Variants in DENND4A observed in about 807,000 individuals in gnomAD.
The protein encoded by DENND4A is C-myc promoter-binding protein.
Under a neutral mutation model 199.3 loss-of-function variants are expected in DENND4A, and 70 were observed. The observed-to-expected ratio is 0.35, with a 90% CI of 0.29 to 0.43. The LOEUF (loss-of-function observed/expected upper bound fraction) is 0.43, where lower values mean the gene tolerates loss of function less well. DENND4A is among the 20% of genes least tolerant of loss of function. The pLI, the probability that DENND4A is intolerant of heterozygous loss-of-function variation, is 1.00. For missense variants in DENND4A, 1,723 were observed against 2,255.8 expected, an observed-to-expected ratio of 0.76 and a Z score of 4.78; for synonymous variants, 686 against 766.9, an observed-to-expected ratio of 0.89 and a Z score of 1.74.
intron 1 of DENND4A, among the ~76,000 whole-genome samples, chr15:65,788,466 C>T (rs2077626803): frequency 6.6e-6 from 1 of 152,060 alleles, no homozygotes. Flanking sequence ...GTTAGTTTTG[C>T]TAACAATGAA....
intron 14 of DENND4A, among the ~76,000 whole-genome samples, chr15:65,708,150 C>T (rs2075124601): frequency 6.6e-6 from 1 of 150,524 alleles, no homozygotes; most frequent in South Asian, 2.1e-4. Flanking sequence ...GCACATGCCA[C>T]CACACCCAGC....
chr15:65,758,074 G>A (rs28522490), intron 2 of DENND4A, among the ~76,000 whole-genome samples: 30,120 of 151,980 alleles, frequency 0.2, 4,011 homozygotes, highest in East Asian at 0.73. Flanking sequence ...GTTTTCCACA[G>A]ACAAAGCCCA....
intron 13 of DENND4A, 70 bp from the exon 14 acceptor site, chr15:65,715,693 G>C (rs1482279894): frequency 1.4e-6 from 2 of 1,380,372 alleles, no homozygotes; most frequent in African/African-American, 3.0e-5. Context: ...ATTTGCACTA[G>C]AAAGAATCTG....
intron 11 of DENND4A, among the ~76,000 whole-genome samples, chr15:65,726,488 C>T (rs1334355072): frequency 6.6e-6 from 1 of 151,972 alleles, no homozygotes; most frequent in African/African-American, 2.4e-5. Context: ...TCTATTGATG[C>T]CGTATGTAAA....
At chr15:65,678,369 CCTGA>C (rs776762613) in intron 23 of DENND4A, among the ~76,000 whole-genome samples, 2 of 151,990 alleles carry the variant, frequency 1.3e-5, no homozygotes, top group East Asian at 1.9e-4. Flanking sequence ...ATTAGACTAC[CCTGA>C]CTAATTTGGT....
intron 23 of DENND4A, among the ~76,000 whole-genome samples, chr15:65,681,469 C>A (rs78127596): frequency 6.6e-6 from 1 of 151,988 alleles, no homozygotes; most frequent in African/African-American, 2.4e-5. Flanking sequence ...AAAGTAAAAG[C>A]GACTCCTTGA....
At chr15:65,774,716 T>C (rs977855148) in intron 1 of DENND4A, among the ~76,000 whole-genome samples, 3 of 151,920 alleles carry the variant, frequency 2.0e-5, no homozygotes, top group Admixed American at 6.6e-5. Flanking sequence ...TAAAATAACA[T>C]ATATATGCTA....
chr15:65,752,310 A>G, intron 4 of DENND4A, 69 bp downstream of exon 4: 1 of 540,250 alleles, frequency 1.9e-6, no homozygotes, highest in Non-Finnish European at 2.6e-6. Context: ...AAAAAAAAAA[A>G]AAAGATGTAT....
At chr15:65,753,369 G>T (rs1337257810) in intron 3 of DENND4A, among the ~76,000 whole-genome samples, 3 of 151,750 alleles carry the variant, frequency 2.0e-5, no homozygotes, top group African/African-American at 7.3e-5. Context: ...TGGTTTTTTT[G>T]AGACAGAGTC....
intron 30 of DENND4A, chr15:65,665,033 A>C (rs1170978343): frequency 4.4e-6 from 2 of 459,302 alleles, no homozygotes; most frequent in Non-Finnish European, 3.8e-6. Context: ...AAAAAGAAGA[A>C]ATTGGGATGA....
chr15:65,700,710 G>T (rs111881159), intron 19 of DENND4A, 35 bp from the exon 20 acceptor site: 2 of 1,501,862 alleles, frequency 1.3e-6, no homozygotes, highest in South Asian at 1.3e-5. Flanking sequence ...TTTACTACTC[G>T]AAGAGGTAAA....
At chr15:65,702,031 G>T in intron 17 of DENND4A, 141 bp from the exon 18 acceptor site, 1 of 1,200,720 alleles carries the variant, frequency 8.3e-7, no homozygotes, top group Non-Finnish European at 1.2e-6. Context: ...GGGAGGGCAA[G>T]GCAGGTGAAG....
At chr15:65,750,109 A>G (rs966201462) in intron 4 of DENND4A, among the ~76,000 whole-genome samples, 1 of 141,530 alleles carries the variant, frequency 7.1e-6, no homozygotes, top group African/African-American at 3.2e-5. Context: ...GGCTTATATC[A>G]GAAATATAAA....
In DENND4A at chr15:65,737,765, A is replaced by G. The variant is rs1431443530; in HGVS notation, c.982T>C (p.Phe328Leu). Reference protein sequence around the residue: ...HWPFFDAFRKFLTFLYRYSIS... With the variant: ...HWPFFDAFRKLLTFLYRYSIS... Reference sequence around the variant, plus strand: ...GAATAACGATACAGAAAAGTCAGAAACTTCCTGAATGCATCAAAAAAAGGC... The same window carrying G: ...GAATAACGATACAGAAAAGTCAGAAGCTTCCTGAATGCATCAAAAAAAGGC... The change falls in exon 7 of 33, where the codon TTT becomes CTT. Residue 328 changes from phenylalanine to leucine, a missense_variant. By Grantham distance (22) the Phe-to-Leu change is conservative (BLOSUM62 0). This residue lies in a region of DENND4A where 725 missense variants were observed against 952.9 expected (regional missense o/e 0.76). Coordinates refer to ENST00000443035, the MANE Select transcript of DENND4A (RefSeq NM_001320835.1). 1.9e-6 allele frequency: 3 copies of G among 1,592,474 alleles called. No homozygotes were observed. Among genetic ancestry groups the G allele is most frequent in the African/African-American group, 1.3e-5 (1 of 74,662 alleles).
Position 65,756,199 on chromosome 15 carries a change from C to T in DENND4A, c.252G>A (p.Gly84=). Residue 84 remains glycine, a synonymous_variant, in exon 3 of 33, where the codon GGG becomes GGA. Transcript: ENST00000443035. ...TTCTATAGCAAAGGTAAATCTGTGG[C>T]CCCACAAGACTTCCATTATTAAGAT... is the stretch of plus-strand genomic sequence containing the variant. The part of the protein sequence containing the change: ...SADLNNGSLV[G]PQIYLCYRRG... 3 of 1,611,324 alleles carry T rather than the reference C, an allele frequency of 1.9e-6. No homozygotes were observed. The highest frequency in any genetic ancestry group is 1.7e-6 in the Non-Finnish European group (2 of 1,178,592).
intron 14 of DENND4A, among the ~76,000 whole-genome samples, chr15:65,708,506 C>A (rs974170998): frequency 6.6e-6 from 1 of 152,138 alleles, no homozygotes; most frequent in Non-Finnish European, 1.5e-5. Context: ...GTAAAAGATA[C>A]TTCCTTCTAC....
intron 1 of DENND4A, among the ~76,000 whole-genome samples, chr15:65,774,872 T>TC (rs1567100693): frequency 6.8e-6 from 1 of 147,584 alleles, no homozygotes; most frequent in African/African-American, 2.5e-5. Flanking sequence ...TGTTTACTTT[T>TC]TTTTTTTTTT....
chr15:65,687,581 T>C (rs2076834177), intron 23 of DENND4A, among the ~76,000 whole-genome samples: 1 of 152,236 alleles, frequency 6.6e-6, no homozygotes, highest in African/African-American at 2.4e-5. Flanking sequence ...AATTATTTTA[T>C]CTGAAAATGT....
intron 1 of DENND4A, chr15:65,766,390 A>C (rs909615070): frequency 6.6e-6 from 1 of 152,174 alleles, no homozygotes; most frequent in African/African-American, 2.4e-5. Flanking sequence ...CAAACATATA[A>C]ATACAGTTGA....
Sources: gnomAD v4.1 joint callset for allele counts (sites outside exome capture counted in the v4.1 genomes callset) on GRCh38, gnomAD v4.1.1 for gene constraint, gnomAD v4.1.1 regional missense constraint, MANE v1.5 for transcripts, NCBI Gene and HGNC (gene_info 2026-07-23, HGNC 2026-07-21) for gene names.